LRRC4C: variants seen among roughly 807,000 people sequenced by gnomAD.
The protein encoded by LRRC4C is leucine rich repeat containing 4C, also known as leucine-rich repeat-containing protein 4C.
LRRC4C carries 5 observed loss-of-function variants against 33.6 expected under a neutral mutation model. The ratio of observed to expected loss-of-function variants is 0.15; its 90% CI spans 0.08 to 0.31. LRRC4C has a LOEUF of 0.31. Among genes scored for constraint, LRRC4C ranks in the 10% least tolerant of loss-of-function variants. The pLI, the probability that LRRC4C is intolerant of heterozygous loss-of-function variation, is 1.00. For synonymous variants in LRRC4C, 329 were observed against 302.0 expected (o/e 1.09, Z -0.93); for missense variants, 560 against 796.7 (o/e 0.70, Z 3.58).
intron 3 of LRRC4C, among the ~76,000 whole-genome samples, chr11:40,627,780 C>T (rs76509726): frequency 7.2e-4 from 109 of 152,252 alleles, no homozygotes; most frequent in African/African-American, 2.5e-3. Flanking sequence ...CGTGAAGAAA[C>T]ATTTCTCTAA....
chr11:40,187,682 C>T (rs1176412820), intron 5 of LRRC4C, among the ~76,000 whole-genome samples: 2 of 152,170 alleles, frequency 1.3e-5, no homozygotes, highest in Non-Finnish European at 2.9e-5. Context: ...CATTTTTCAA[C>T]TTCCTTTGCC....
chr11:40,948,622 GT>G (rs1958535805), intron 1 of LRRC4C, among the ~76,000 whole-genome samples: 1 of 147,008 alleles, frequency 6.8e-6, no homozygotes, highest in Non-Finnish European at 1.5e-5. Flanking sequence ...GCGGTGTTTG[GT>G]TTTTTGTTCT....
chr11:40,952,518 G>A (rs1462160910), intron 1 of LRRC4C, among the ~76,000 whole-genome samples: 1 of 151,810 alleles, frequency 6.6e-6, no homozygotes, highest in Non-Finnish European at 1.5e-5. Context: ...GAATTAAGAT[G>A]TTGCTATATT....
chr11:41,140,872 T>C (rs1943473006), intron 1 of LRRC4C, among the ~76,000 whole-genome samples: 2 of 152,304 alleles, frequency 1.3e-5, no homozygotes, highest in South Asian at 2.1e-4. Flanking sequence ...TGACACAGAT[T>C]ATATTACTAA....
chr11:40,617,217 T>C (rs1333952769), intron 3 of LRRC4C, among the ~76,000 whole-genome samples: 2 of 151,808 alleles, frequency 1.3e-5, no homozygotes, highest in East Asian at 3.9e-4. Flanking sequence ...TATATTTATT[T>C]CTAATTATTA....
chr11:40,128,968 A>G (rs961197968), intron 6 of LRRC4C, among the ~76,000 whole-genome samples: 3 of 152,140 alleles, frequency 2.0e-5, no homozygotes, highest in African/African-American at 7.2e-5. Flanking sequence ...TCATACGCTC[A>G]GGTGCATATT....
intron 1 of LRRC4C, among the ~76,000 whole-genome samples, chr11:41,022,827 T>C (rs1856077283): frequency 6.6e-6 from 1 of 151,988 alleles, no homozygotes; most frequent in Non-Finnish European, 1.5e-5. Context: ...AAATACATTT[T>C]AGAAGCTATA....
chr11:40,239,114 T>C (rs1487302076), intron 5 of LRRC4C, among the ~76,000 whole-genome samples: 3 of 152,216 alleles, frequency 2.0e-5, no homozygotes, highest in Non-Finnish European at 4.4e-5. Flanking sequence ...TGTCTCTATG[T>C]GCAAATAACC....
chr11:41,420,964 A>G (rs1954854532), intron 1 of LRRC4C, among the ~76,000 whole-genome samples: 1 of 152,022 alleles, frequency 6.6e-6, no homozygotes, highest in Non-Finnish European at 1.5e-5. Flanking sequence ...TTTGGGATAT[A>G]TAAGAAGATA....
At chr11:40,541,262 GCCTCAAACT>G (rs1355512608) in intron 3 of LRRC4C, among the ~76,000 whole-genome samples, 1 of 152,038 alleles carries the variant, frequency 6.6e-6, no homozygotes, top group Non-Finnish European at 1.5e-5. Flanking sequence ...GCTTACTACA[GCCTCAAACT>G]CCTGGGCTCA....
chr11:41,314,654 G>A (rs1316483387), intron 1 of LRRC4C, among the ~76,000 whole-genome samples: 1 of 152,110 alleles, frequency 6.6e-6, no homozygotes, highest in East Asian at 1.9e-4. Context: ...TGTCAGGGGT[G>A]CGGGGCCGTG....
chr11:40,787,893 C>G (rs1435346932), intron 2 of LRRC4C, among the ~76,000 whole-genome samples: 1 of 152,042 alleles, frequency 6.6e-6, no homozygotes, highest in Non-Finnish European at 1.5e-5. Context: ...AAAATGAAAG[C>G]CACCCCAGTT....
intron 2 of LRRC4C, among the ~76,000 whole-genome samples, chr11:40,912,548 G>A (rs868203644): frequency 5.4e-4 from 82 of 151,864 alleles, no homozygotes; most frequent in Non-Finnish European, 8.4e-4. Context: ...TGAAGGAAGC[G>A]CTAAACATGG....
chr11:40,736,363 A>G (rs1261930405), intron 2 of LRRC4C, among the ~76,000 whole-genome samples: 3 of 152,094 alleles, frequency 2.0e-5, no homozygotes, highest in East Asian at 1.9e-4. Flanking sequence ...TTATGGCTGC[A>G]TAGTATTCCA....
At chr11:41,055,135 G>A (rs528970220) in intron 1 of LRRC4C, among the ~76,000 whole-genome samples, 25 of 151,996 alleles carry the variant, frequency 1.6e-4, no homozygotes, top group Non-Finnish European at 2.9e-4. Context: ...TCATTATCCT[G>A]ACTTATAATA....
At chr11:40,941,643 GCTAC>G (rs1328586188) in intron 1 of LRRC4C, among the ~76,000 whole-genome samples, 3 of 152,054 alleles carry the variant, frequency 2.0e-5, no homozygotes, top group African/African-American at 7.2e-5. Context: ...GATTGATAGT[GCTAC>G]CTGAGAAGTA....
At chr11:40,676,951 G>A (rs1399472470) in intron 2 of LRRC4C, among the ~76,000 whole-genome samples, 2 of 152,076 alleles carry the variant, frequency 1.3e-5, no homozygotes, top group Non-Finnish European at 2.9e-5. Context: ...AAAAACATCA[G>A]GAGAAACAGA....
intron 2 of LRRC4C, among the ~76,000 whole-genome samples, chr11:40,666,016 A>G (rs921305847): frequency 1.3e-5 from 2 of 152,086 alleles, no homozygotes; most frequent in Admixed American, 6.6e-5. Context: ...TTTTCTATAT[A>G]TAGGTGTGTG....
Position 41,053,122 on chromosome 11 carries a change from C to A in LRRC4C, c.-495-119399G>T, listed in dbSNP as rs75266298. ...ACTGTCAGATGACTCCCAATGATTT[C>A]TCTCTCCTCATACTCCTGCCTGTTT... On this transcript the variant is annotated intron_variant, in intron 1 of 6. Transcript: ENST00000528697. Among the ~76,000 whole-genome samples the A allele has an allele frequency of 2.6e-5, 4 of 152,324 alleles. No individual in the cohort carries two copies. The East Asian group carries it at 7.7e-4, about 29-fold the overall frequency.
Sources: allele counts gnomAD v4.1 joint callset (sites outside exome capture counted in the v4.1 genomes callset), GRCh38; gene constraint gnomAD v4.1.1; transcripts MANE v1.5; gene names NCBI Gene and HGNC (gene_info 2026-07-23, HGNC 2026-07-21).